UPB1: variants seen among roughly 807,000 people sequenced by gnomAD.
UPB1 encodes the protein beta-ureidopropionase 1.
Under a neutral mutation model 49.1 loss-of-function variants are expected in UPB1, and 40 were observed. The observed-to-expected ratio is 0.81, with a 90% CI of 0.63 to 1.06. The LOEUF is 1.06. Among genes scored for constraint, UPB1 ranks in the 50% least tolerant of loss-of-function variants. The pLI is 0.00. For missense variants in UPB1, 499 were observed against 505.9 expected, an observed-to-expected ratio of 0.99 and a Z score of 0.13; for synonymous variants, 207 against 198.2, an observed-to-expected ratio of 1.04 and a Z score of -0.38.
intron 9 of UPB1, 106 bp from the exon 10 acceptor site, chr22:24,525,605 C>G (rs146049053): frequency 7.5e-7 from 1 of 1,325,782 alleles, no homozygotes; most frequent in Non-Finnish European, 1.1e-6. Context: ...CTTCCTGATG[C>G]GTTCCTGCCC....
intron 6 of UPB1, among the ~76,000 whole-genome samples, chr22:24,517,171 C>T (rs975380222): frequency 7.9e-5 from 12 of 152,214 alleles, no homozygotes; most frequent in African/African-American, 2.9e-4. Context: ...TGCAACCCCT[C>T]CTCTGTTACC....
chr22:24,500,306 A>G, intron 2 of UPB1, 28 bp downstream of exon 2: 1 of 1,613,012 alleles, frequency 6.2e-7, no homozygotes. Context: ...CATAATAAAT[A>G]CACAAACAGG....
rs114998159 is a variant in UPB1 at position 24,512,880 on chromosome 22, G to A, written c.460-444G>A. Among the ~76,000 whole-genome samples the A allele has an allele frequency of 2.7e-3, 405 of 152,332 alleles. 1 individual carries two copies. The highest frequency in any genetic ancestry group is 8.3e-3 in the African/African-American group (345 of 41,574). On this transcript the variant is annotated intron_variant, in intron 4 of 9. Transcript: ENST00000326010. Reference sequence around the variant, plus strand: ...AGAACCGTGGCATCTAAGGCTGAATGATACTCCATTGTATGGATGTGCCAT... The same window carrying A: ...AGAACCGTGGCATCTAAGGCTGAATAATACTCCATTGTATGGATGTGCCAT...
chr22:24,509,044 G>A (rs889959918), intron 3 of UPB1, among the ~76,000 whole-genome samples: 6 of 152,166 alleles, frequency 3.9e-5, no homozygotes, highest in Admixed American at 3.3e-4. Flanking sequence ...ACAAAAAAAT[G>A]TAGGGGAGGA....
chr22:24,508,575 A>AG (rs1249630619), intron 3 of UPB1, among the ~76,000 whole-genome samples: 1 of 140,630 alleles, frequency 7.1e-6, no homozygotes, highest in Non-Finnish European at 1.6e-5. Context: ...AGAAAAAAAA[A>AG]GAAAGAAAGA....
intron 8 of UPB1, 72 bp from the exon 9 acceptor site, chr22:24,523,547 G>C (rs766227295): frequency 1.8e-5 from 29 of 1,607,950 alleles, no homozygotes; most frequent in Non-Finnish European, 2.4e-5. Flanking sequence ...CTGCCTCAAG[G>C]TGCCTGACCC....
At chr22:24,518,684 C>A (rs532339750) in intron 6 of UPB1, among the ~76,000 whole-genome samples, 4 of 152,278 alleles carry the variant, frequency 2.6e-5, no homozygotes, top group South Asian at 4.1e-4. Context: ...ATTTTTGAGT[C>A]CCACAGTTCT....
chr22:24,520,454 A>G lies in UPB1; in HGVS notation c.859A>G (p.Asn287Asp), dbSNP rs766514124. The G allele has an allele frequency of 6.2e-7, 1 of 1,614,094 alleles. No individual in the cohort carries two copies. Among genetic ancestry groups the G allele is most frequent in the South Asian group, 1.1e-5 (1 of 91,054 alleles). Residue 287 changes from asparagine (N) to aspartate (D), a missense_variant, in exon 7 of 10, where the codon AAT becomes GAT. Transcript: ENST00000326010. ...IANHCFTCAI[N>D]RVGTEHFPNE... ...CAATCACTGCTTCACCTGCGCCATC[A>G]ATCGAGTGGGCACCGTAAGTCCCGA...
chr22:24,504,593 G>A (rs1289434955), intron 3 of UPB1, among the ~76,000 whole-genome samples: 3 of 152,042 alleles, frequency 2.0e-5, no homozygotes, highest in Admixed American at 6.6e-5. Context: ...CTTGGGTTCT[G>A]AAGCTCTAGG....
At chr22:24,515,178 G>A (rs1184312374) in intron 5 of UPB1, 23 bp from the exon 6 acceptor site, 2 of 1,614,010 alleles carry the variant, frequency 1.2e-6, no homozygotes, top group East Asian at 4.5e-5. Context: ...AGAGGCATCA[G>A]TATATGGCCC....
chr22:24,497,606 G>A (rs1366991151), intron 1 of UPB1, among the ~76,000 whole-genome samples: 2 of 152,114 alleles, frequency 1.3e-5, no homozygotes, highest in African/African-American at 4.8e-5. Context: ...GAAGCCCTGA[G>A]TGGGGAGGCC....
chr22:24,513,296 G>T, intron 4 of UPB1, 28 bp from the exon 5 acceptor site: 1 of 1,614,092 alleles, frequency 6.2e-7, no homozygotes, highest in Non-Finnish European at 8.5e-7. Flanking sequence ...TTATAAGTGG[G>T]ACTCTGCCAT....
At chr22:24,514,428 A>C (rs2044258746) in intron 5 of UPB1, among the ~76,000 whole-genome samples, 1 of 152,202 alleles carries the variant, frequency 6.6e-6, no homozygotes, top group Non-Finnish European at 1.5e-5. Context: ...TCCGGTGTTC[A>C]CCACGTGCAC....
intron 4 of UPB1, among the ~76,000 whole-genome samples, chr22:24,512,904 A>G (rs142337078): frequency 2.0e-5 from 3 of 152,226 alleles, no homozygotes; most frequent in Non-Finnish European, 4.4e-5. Flanking sequence ...TGGATGTGCC[A>G]TGTTTCATTT....
At chr22:24,513,986 G>A (rs888975213) in intron 5 of UPB1, among the ~76,000 whole-genome samples, 5 of 152,132 alleles carry the variant, frequency 3.3e-5, no homozygotes, top group Non-Finnish European at 7.3e-5. Flanking sequence ...TCTGTATACT[G>A]TGCATTATGT....
At chr22:24,524,733 T>G (rs2044452460) in intron 9 of UPB1, among the ~76,000 whole-genome samples, 1 of 152,210 alleles carries the variant, frequency 6.6e-6, no homozygotes, top group Non-Finnish European at 1.5e-5. Flanking sequence ...CAAGCAATCC[T>G]CGCACCTCGG....
chr22:24,508,735 G>A (rs1371853656), intron 3 of UPB1, among the ~76,000 whole-genome samples: 7 of 151,346 alleles, frequency 4.6e-5, no homozygotes, highest in Non-Finnish European at 1.0e-4. Flanking sequence ...AAAAAAATTA[G>A]ATGGGCATGG....
chr22:24,509,869 T>G (rs1415674690), intron 3 of UPB1, among the ~76,000 whole-genome samples: 3 of 152,164 alleles, frequency 2.0e-5, no homozygotes, highest in Non-Finnish European at 4.4e-5. Flanking sequence ...CCTCTACCCA[T>G]TAAACAGTAA....
At chr22:24,511,727 C>T (rs2044209225) in intron 4 of UPB1, among the ~76,000 whole-genome samples, 1 of 151,246 alleles carries the variant, frequency 6.6e-6, no homozygotes, top group Non-Finnish European at 1.5e-5. Context: ...CATTCTCCTG[C>T]CTCAGCCTCC....
Sources: allele counts gnomAD v4.1 joint callset (sites outside exome capture counted in the v4.1 genomes callset), GRCh38; gene constraint gnomAD v4.1.1; transcripts MANE v1.5; gene names NCBI Gene and HGNC (gene_info 2026-07-23, HGNC 2026-07-21).